The following RAD51 variants were observed in gnomAD, a reference collection of about 807,000 sequenced individuals.
RAD51 encodes the protein DNA repair protein RAD51 homolog 1.
A neutral mutation model predicts 41.5 loss-of-function variants in RAD51; 14 were observed. That is an observed-to-expected ratio of 0.34 (90% CI 0.22 to 0.53). The LOEUF (loss-of-function observed/expected upper bound fraction) is 0.53, where lower values mean the gene tolerates loss of function less well. Among genes scored for constraint, RAD51 ranks in the 20% least tolerant of loss-of-function variants. RAD51 has a pLI of 0.95. For synonymous variants in RAD51, 136 were observed against 148.6 expected (o/e 0.92, Z 0.62); for missense variants, 234 against 422.0 (o/e 0.55, Z 3.90).
At chr15:40,715,277 C>T (rs1895929044) in intron 5 of RAD51, among the ~76,000 whole-genome samples, 2 of 152,140 alleles carry the variant, frequency 1.3e-5, no homozygotes, top group Admixed American at 6.6e-5. Flanking sequence ...ATTGCTTGAA[C>T]CTGGGAAGTG....
At chr15:40,700,008 A>G (rs1404154004) in intron 2 of RAD51, among the ~76,000 whole-genome samples, 3 of 152,204 alleles carry the variant, frequency 2.0e-5, no homozygotes, top group African/African-American at 4.8e-5. Context: ...AGTTACTTAA[A>G]TGGATTTGTG....
At chr15:40,730,625 CATTCTCCTGCCTCAG>C (rs1896832930) in intron 9 of RAD51, among the ~76,000 whole-genome samples, 4 of 149,326 alleles carry the variant, frequency 2.7e-5, no homozygotes. Flanking sequence ...GGGTTCACAC[CATTCTCCTGCCTCAG>C]CCTCCCGAAT....
intron 5 of RAD51, 122 bp downstream of exon 5, chr15:40,709,238 T>C: frequency 2.4e-6 from 2 of 828,250 alleles, no homozygotes; most frequent in Non-Finnish European, 4.0e-6. Context: ...CTTATAGCTG[T>C]TAATAGTTAG....
chr15:40,707,786 C>T (rs1895446045), intron 4 of RAD51, among the ~76,000 whole-genome samples: 1 of 152,026 alleles, frequency 6.6e-6, no homozygotes, highest in African/African-American at 2.4e-5. Context: ...GGCACAATCT[C>T]GGCTCATTGC....
intron 4 of RAD51, among the ~76,000 whole-genome samples, chr15:40,707,494 A>G (rs1241423115): frequency 6.6e-6 from 1 of 151,392 alleles, no homozygotes; most frequent in Non-Finnish European, 1.5e-5. Flanking sequence ...TTTAGTAGAG[A>G]TGAGGTTTCA....
intron 7 of RAD51, 87 bp from the exon 8 acceptor site, chr15:40,729,418 T>C (rs1896758447): frequency 7.7e-7 from 1 of 1,291,778 alleles, no homozygotes; most frequent in East Asian, 2.5e-5. Flanking sequence ...GGAAAAACTA[T>C]GAATATGAGA....
chr15:40,718,461 T>C (rs1896094301), intron 5 of RAD51, among the ~76,000 whole-genome samples: 2 of 149,588 alleles, frequency 1.3e-5, no homozygotes, highest in African/African-American at 5.0e-5. Flanking sequence ...GAGGTTGCAG[T>C]GAACCGAGAT....
intron 4 of RAD51, among the ~76,000 whole-genome samples, chr15:40,706,929 A>C (rs1398369432): frequency 6.6e-6 from 1 of 152,204 alleles, no homozygotes; most frequent in Admixed American, 6.5e-5. Context: ...TCCATGTTTG[A>C]ATACTACTCA....
chr15:40,715,363 ACCAAAAAC>A (rs766187070), intron 5 of RAD51, among the ~76,000 whole-genome samples: 2 of 40,390 alleles, frequency 5.0e-5, no homozygotes, highest in Non-Finnish European at 1.2e-4. Flanking sequence ...TCAAAAAAAA[ACCAAAAAC>A]CAAAAAACCA....
At chr15:40,721,463 A>G (rs1192338025) in intron 6 of RAD51, among the ~76,000 whole-genome samples, 1 of 152,194 alleles carries the variant, frequency 6.6e-6, no homozygotes, top group East Asian at 1.9e-4. Context: ...TGAAACCTTT[A>G]TGGTCACTTC....
At position 40,706,107 on chromosome 15, in the gene RAD51, T is replaced by A. The variant is rs45592734; in HGVS notation, c.226-70T>A. ...ATATTTCTTTTTTCTTTATATATAT[T>A]TTTTTGCCATCAAGATCACTGTGGT... On this transcript the variant is annotated intron_variant, in intron 3 of 9. Coordinates refer to ENST00000267868, the MANE Select transcript of RAD51 (RefSeq NM_002875.5). 0.32 allele frequency: 356,315 copies of A among 1,115,914 alleles called. 60,965 individuals are homozygous for A. The highest frequency in any genetic ancestry group is 0.37 in the South Asian group (28,767 of 77,938). 69.1% of individuals were successfully genotyped at this position (1,115,914 alleles called of 1,614,324 possible).
chr15:40,719,581 C>T (rs543395194), intron 6 of RAD51, among the ~76,000 whole-genome samples: 10 of 152,272 alleles, frequency 6.6e-5, no homozygotes, highest in African/African-American at 2.2e-4. Flanking sequence ...GCCTGTAATC[C>T]CAACACTTTG....
chr15:40,703,965 G>A (rs1435872038), intron 3 of RAD51, among the ~76,000 whole-genome samples: 1 of 152,048 alleles, frequency 6.6e-6, no homozygotes, highest in Non-Finnish European at 1.5e-5. Flanking sequence ...GTGCAGTGGT[G>A]TGATCATAGC....
At chr15:40,727,270 C>T (rs1025890446) in intron 6 of RAD51, among the ~76,000 whole-genome samples, 1 of 151,594 alleles carries the variant, frequency 6.6e-6, no homozygotes, top group African/African-American at 2.4e-5. Context: ...CCTTTTCTCC[C>T]TTTCTGATAG....
At position 40,695,292 on chromosome 15, in the gene RAD51, G is replaced by C. The variant is rs772375783; in HGVS notation, c.-136G>C. 3 of 152,570 alleles carry C rather than the reference G, an allele frequency of 2.0e-5. No individual in the cohort carries two copies. The highest frequency in any genetic ancestry group is 7.2e-5 in the African/African-American group (3 of 41,598). The allele number at this position is 152,570 out of a possible 1,614,324, so 9.5% of individuals were successfully genotyped here. On this transcript the variant is annotated 5_prime_UTR_variant, in exon 1 of 10. Transcript: ENST00000267868. Reference sequence around the variant, plus strand: ...CAACTCATCTGGGTTGTGCGCAGAAGGCTGGGGCAAGCGAGTAGAGAAGTG... The same window carrying C: ...CAACTCATCTGGGTTGTGCGCAGAACGCTGGGGCAAGCGAGTAGAGAAGTG...
At chr15:40,718,518 A>G (rs1331185238) in intron 5 of RAD51, among the ~76,000 whole-genome samples, 1 of 31,564 alleles carries the variant, frequency 3.2e-5, no homozygotes, top group Non-Finnish European at 5.9e-5. Context: ...TATCGCAAGA[A>G]AAAAAAAAAA....
chr15:40,700,476 G>A (rs1894911132), intron 2 of RAD51, among the ~76,000 whole-genome samples: 1 of 152,120 alleles, frequency 6.6e-6, no homozygotes, highest in Non-Finnish European at 1.5e-5. Flanking sequence ...TGTGCTTGAT[G>A]TGGAAAGTGT....
chr15:40,730,025 T>G (rs1365334766), intron 9 of RAD51, 51 bp downstream of exon 9: 1 of 1,596,186 alleles, frequency 6.3e-7, no homozygotes. Context: ...ATATTAACTG[T>G]GAAGACATGA....
At chr15:40,719,038 CT>C in intron 6 of RAD51, 139 bp downstream of exon 6, 1 of 769,346 alleles carries the variant, frequency 1.3e-6, no homozygotes, top group Non-Finnish European at 2.2e-6. Flanking sequence ...GAATGACTTC[CT>C]TAGTAGAAAA....
Sources: allele counts gnomAD v4.1 joint callset (sites outside exome capture counted in the v4.1 genomes callset), GRCh38; gene constraint gnomAD v4.1.1; transcripts MANE v1.5; gene names NCBI Gene and HGNC (gene_info 2026-07-23, HGNC 2026-07-21).